Variants in TMEM156 observed in about 807,000 individuals in gnomAD.
TMEM156 encodes transmembrane protein 156.
A neutral mutation model predicts 30.5 loss-of-function variants in TMEM156; 28 were observed. The ratio of observed to expected loss-of-function variants is 0.92; its 90% CI spans 0.68 to 1.26. The LOEUF (loss-of-function observed/expected upper bound fraction) is 1.26. TMEM156 is among the 50% of genes most tolerant of loss of function. The pLI is 0.00. For synonymous variants in TMEM156, 137 were observed against 119.9 expected, an observed-to-expected ratio of 1.14 and a Z score of -0.93; for missense variants, 351 against 340.6, an observed-to-expected ratio of 1.03 and a Z score of -0.24.
chr4:38,990,118 C>A (rs550496655), intron 3 of TMEM156, among the ~76,000 whole-genome samples: 6 of 152,294 alleles, frequency 3.9e-5, no homozygotes, highest in Admixed American at 2.6e-4. Flanking sequence ...TCTAAGCCCA[C>A]CCTGTGTACA....
rs540040379 is a variant in TMEM156, at chr4:39,003,887, T to TA, written c.89-4979dup. 3.3e-3 allele frequency among the ~76,000 whole-genome samples: 497 copies of TA among 152,298 alleles called. 3 individuals are homozygous for TA. The highest frequency in any genetic ancestry group is 0.011 in the African/African-American group (470 of 41,570). ...GAGATAGAGAAATGTTTACTGTCAA[T>TA]AGTGTAGTCTTCTTATTCAATAAGT... On this transcript the variant is annotated intron_variant, in intron 1 of 6. Transcript: ENST00000381938.
At chr4:39,002,383 G>A (rs202093158) in intron 1 of TMEM156, among the ~76,000 whole-genome samples, 34,008 of 140,306 alleles carry the variant, frequency 0.24, 4,737 homozygotes, top group East Asian at 0.4. Flanking sequence ...GTCAGGAAAC[G>A]ACAGGTGCTG....
At chr4:38,968,257 A>G (rs1343364125) in intron 6 of TMEM156, among the ~76,000 whole-genome samples, 1 of 152,234 alleles carries the variant, frequency 6.6e-6, no homozygotes, top group Admixed American at 6.5e-5. Context: ...TCTTTCAATT[A>G]TAACATTCCA....
intron 1 of TMEM156, among the ~76,000 whole-genome samples, chr4:39,027,774 T>TTTTTA (rs1715297712): frequency 6.7e-6 from 1 of 149,606 alleles, no homozygotes; most frequent in African/African-American, 2.4e-5. Flanking sequence ...TTTTTTTTTT[T>TTTTTA]GAGAAGAAGT....
At chr4:39,018,983 T>A (rs1231303275) in intron 1 of TMEM156, among the ~76,000 whole-genome samples, 1 of 145,720 alleles carries the variant, frequency 6.9e-6, no homozygotes, top group Non-Finnish European at 1.5e-5. Flanking sequence ...ATCACGCCAC[T>A]GCACTCCAGC....
chr4:38,985,705 T>C (rs1711933670), intron 5 of TMEM156, among the ~76,000 whole-genome samples: 1 of 152,216 alleles, frequency 6.6e-6, no homozygotes, highest in Non-Finnish European at 1.5e-5. Context: ...AGGATATTAT[T>C]TCTCTCTGCT....
At chr4:39,019,770 C>T (rs1484195096) in intron 1 of TMEM156, among the ~76,000 whole-genome samples, 1 of 152,108 alleles carries the variant, frequency 6.6e-6, no homozygotes, top group Non-Finnish European at 1.5e-5. Flanking sequence ...AACCTAATAA[C>T]ATATCCATCA....
chr4:38,995,054 G>A (rs11727772), intron 2 of TMEM156, among the ~76,000 whole-genome samples: 19,509 of 152,154 alleles, frequency 0.13, 1,334 homozygotes, highest in East Asian at 0.2. Context: ...CTAGCTAATG[G>A]TGGTTTGCTG....
chr4:38,998,756 C>G lies in TMEM156; in HGVS notation c.242G>C (p.Arg81Pro). The change falls in exon 2 of 7, where the codon CGT becomes CCT. Residue 81 changes from arginine (R) to proline (P), a missense_variant. Arg to Pro is a moderately radical substitution (Grantham distance 103). Transcript: ENST00000381938. ...GTCTTGGCAAGTCCTGGTGAAGTTA[C>G]GAAAATTGGAGGGATTTAGAAAGAT... ...MRIFLNPSNFRNFTRTCQDIT... is the reference protein window; with the variant it reads ...MRIFLNPSNFPNFTRTCQDIT... 3 of 1,613,700 alleles carry G rather than the reference C, an allele frequency of 1.9e-6. No individual in the cohort carries two copies. The highest frequency in any genetic ancestry group is 2.5e-6 in the Non-Finnish European group (3 of 1,179,888).
intron 3 of TMEM156, among the ~76,000 whole-genome samples, chr4:38,990,836 T>TTC (rs1712387153): frequency 2.5e-5 from 3 of 118,312 alleles, no homozygotes; most frequent in Non-Finnish European, 5.7e-5. Context: ...TCTGGTTTTT[T>TTC]TTTTTTTTTT....
chr4:39,011,010 T>C (rs2163276), intron 1 of TMEM156, among the ~76,000 whole-genome samples: 16,551 of 152,084 alleles, frequency 0.11, 1,155 homozygotes, highest in South Asian at 0.25. Context: ...TTGTAAACTA[T>C]GGATCTTACT....
At chr4:39,006,830 C>G (rs1325759037) in intron 1 of TMEM156, among the ~76,000 whole-genome samples, 1 of 152,066 alleles carries the variant, frequency 6.6e-6, no homozygotes, top group Non-Finnish European at 1.5e-5. Context: ...GTGGTCCCAG[C>G]TACTACAGAG....
At chr4:39,011,264 G>C (rs1295418988) in intron 1 of TMEM156, among the ~76,000 whole-genome samples, 4 of 152,124 alleles carry the variant, frequency 2.6e-5, no homozygotes, top group Non-Finnish European at 5.9e-5. Context: ...CATTCACAAG[G>C]TTGCAAAGAA....
At chr4:39,023,526 AT>A (rs1715002245) in intron 1 of TMEM156, among the ~76,000 whole-genome samples, 1 of 152,114 alleles carries the variant, frequency 6.6e-6, no homozygotes, top group African/African-American at 2.4e-5. Context: ...GCATGGATGA[AT>A]CTCAAAAACA....
chr4:39,001,627 A>G (rs1713370910), intron 1 of TMEM156, among the ~76,000 whole-genome samples: 1 of 151,448 alleles, frequency 6.6e-6, no homozygotes, highest in African/African-American at 2.4e-5. Flanking sequence ...ACCTGACTTC[A>G]AACTATACTA....
At chr4:38,977,703 A>G (rs1448264247) in intron 5 of TMEM156, among the ~76,000 whole-genome samples, 1 of 152,254 alleles carries the variant, frequency 6.6e-6, no homozygotes, top group Non-Finnish European at 1.5e-5. Context: ...AATCTCTGAA[A>G]CAAACATTTC....
At chr4:38,990,254 C>A (rs1712325275) in intron 3 of TMEM156, among the ~76,000 whole-genome samples, 1 of 152,146 alleles carries the variant, frequency 6.6e-6, no homozygotes, top group South Asian at 2.1e-4. Context: ...TACAGGAACC[C>A]AGATGTACAC....
chr4:39,008,305 C>G (rs1413032577), intron 1 of TMEM156, among the ~76,000 whole-genome samples: 2 of 152,014 alleles, frequency 1.3e-5, no homozygotes, highest in African/African-American at 4.8e-5. Context: ...TCCTAGTTTG[C>G]TGGGAATTTT....
At chr4:39,000,094 CA>C (rs140162627) in intron 1 of TMEM156, among the ~76,000 whole-genome samples, 9,045 of 152,148 alleles carry the variant, frequency 0.059, 357 homozygotes, top group Non-Finnish European at 0.096. Flanking sequence ...AGTTCAGAAA[CA>C]AAAGACAAAC....
Sources: allele counts gnomAD v4.1 joint callset (sites outside exome capture counted in the v4.1 genomes callset), GRCh38; gene constraint gnomAD v4.1.1; transcripts MANE v1.5; gene names NCBI Gene and HGNC (gene_info 2026-07-23, HGNC 2026-07-21).